Variants in SLC22A3 observed in about 807,000 individuals in gnomAD.
The protein encoded by SLC22A3 is EMT organic cation transporter 3.
SLC22A3 carries 51 observed loss-of-function variants against 59.1 expected under a neutral mutation model. That is an observed-to-expected ratio of 0.86 (90% CI 0.69 to 1.09). The LOEUF (loss-of-function observed/expected upper bound fraction) is 1.09, where lower values mean the gene tolerates loss of function less well. SLC22A3 is among the 50% of genes least tolerant of loss of function. SLC22A3 has a pLI of 0.00. For missense variants in SLC22A3, 711 were observed against 726.3 expected, an observed-to-expected ratio of 0.98 and a Z score of 0.24; for synonymous variants, 325 against 292.0, an observed-to-expected ratio of 1.11 and a Z score of -1.15.
intron 5 of SLC22A3, 52 bp from the exon 6 acceptor site, chr6:160,436,728 A>AG (rs1788345836): frequency 2.8e-6 from 3 of 1,069,786 alleles, no homozygotes; most frequent in African/African-American, 1.6e-5. Flanking sequence ...TATACTATGC[A>AG]GGTTTTTTTT....
intron 9 of SLC22A3, 38 bp from the exon 10 acceptor site, chr6:160,447,681 T>C: frequency 6.3e-7 from 1 of 1,575,274 alleles, no homozygotes; most frequent in Non-Finnish European, 8.7e-7. Flanking sequence ...CCCAGCTGTG[T>C]CTTCCTGGAG....
At chr6:160,379,833 T>C (rs1248652593) in intron 1 of SLC22A3, among the ~76,000 whole-genome samples, 1 of 152,242 alleles carries the variant, frequency 6.6e-6, no homozygotes, top group Non-Finnish European at 1.5e-5. Context: ...TCTCCCATCA[T>C]TGAATCTGGA....
At chr6:160,398,252 C>T (rs1786606500) in intron 2 of SLC22A3, among the ~76,000 whole-genome samples, 170 bp downstream of exon 2, 1 of 152,164 alleles carries the variant, frequency 6.6e-6, no homozygotes, top group Non-Finnish European at 1.5e-5. Context: ...TAATTCTTTT[C>T]TTTTCAAACT....
chr6:160,447,899 A>C lies in SLC22A3; in HGVS notation c.1610+81A>C. 7.5e-6 allele frequency: 8 copies of C among 1,063,462 alleles called. 1 individual carries two copies. The South Asian group carries it at 1.0e-4, about 14-fold the overall frequency. 65.9% of individuals were successfully genotyped at this position (1,063,462 alleles called of 1,614,324 possible). A position where few individuals can be genotyped will look rare whatever the true frequency, so the allele number is the denominator to read the frequency against. ...GAAAGAATGACATTGAGAAAATTGAATATCCACAGGGAAAAAAATAAGAAT... is the reference window on the plus strand; with the variant it reads ...GAAAGAATGACATTGAGAAAATTGACTATCCACAGGGAAAAAAATAAGAAT... On this transcript the variant is annotated intron_variant, in intron 10 of 10. Coordinates refer to ENST00000275300, the MANE Select transcript of SLC22A3 (RefSeq NM_021977.4).
At position 160,426,675 on chromosome 6, in the gene SLC22A3, G is replaced by A. The variant is rs773777278; in HGVS notation, c.976-10105G>A. ...TGTGAGTGCATTGCTTCCAACTGTCGTGTGATTTTCATTAGGCCATACCTG... is the reference window on the plus strand; with the variant it reads ...TGTGAGTGCATTGCTTCCAACTGTCATGTGATTTTCATTAGGCCATACCTG... On this transcript the variant is annotated intron_variant, in intron 5 of 10. Coordinates refer to ENST00000275300, the MANE Select transcript of SLC22A3 (RefSeq NM_021977.4). 3.9e-5 allele frequency among the ~76,000 whole-genome samples: 6 copies of A among 152,118 alleles called. No individual in the cohort carries two copies. The East Asian group carries it at 5.8e-4, about 15-fold the overall frequency.
rs1787431728 is a variant in SLC22A3 at position 160,415,213 on chromosome 6, C to G, written c.975+4367C>G. On this transcript the variant is annotated intron_variant, in intron 5 of 10. Coordinates refer to ENST00000275300, the MANE Select transcript of SLC22A3 (RefSeq NM_021977.4). The surrounding 1 kb of genome is among the most constrained non-coding windows in gnomAD (Gnocchi z 4.1). ...CCTTGCTAAAAGCGGAATTCAGCCA[C>G]ATTATGGGCCACGTCATAGTTTTCC... Among the ~76,000 whole-genome samples the G allele has an allele frequency of 6.6e-6, 1 of 152,210 alleles. No homozygotes were observed. The highest frequency in any genetic ancestry group is 2.4e-5 in the African/African-American group (1 of 41,454).
chr6:160,419,004 G>C (rs1043811731), intron 5 of SLC22A3, among the ~76,000 whole-genome samples: 4 of 152,122 alleles, frequency 2.6e-5, no homozygotes. Flanking sequence ...ACATGCTTGA[G>C]GCAGTTCCCA....
At chr6:160,375,775 G>A (rs1353327873) in intron 1 of SLC22A3, among the ~76,000 whole-genome samples, 1 of 152,006 alleles carries the variant, frequency 6.6e-6, no homozygotes, top group Admixed American at 6.5e-5. Context: ...CTTAAATCAA[G>A]AACGCATATT....
In SLC22A3 at chr6:160,352,969, C is replaced by T. The variant is rs150509931; in HGVS notation, c.429+4121C>T. Reference sequence around the variant, plus strand: ...CTGAGTAGCTGGGATTACAGGCACCCGCCACCGCGCCTGGCTAATTTTTGT... The same window carrying T: ...CTGAGTAGCTGGGATTACAGGCACCTGCCACCGCGCCTGGCTAATTTTTGT... On this transcript the variant is annotated intron_variant, in intron 1 of 10. Coordinates refer to ENST00000275300, the MANE Select transcript of SLC22A3 (RefSeq NM_021977.4). Among the ~76,000 whole-genome samples, 471 of 152,212 alleles carry T rather than the reference C, an allele frequency of 3.1e-3. 17 individuals carry two copies. In the East Asian group the frequency reaches 0.073, roughly 23 times the overall value.
intron 9 of SLC22A3, among the ~76,000 whole-genome samples, chr6:160,445,881 T>G (rs1039717724): frequency 6.6e-6 from 1 of 152,064 alleles, no homozygotes; most frequent in African/African-American, 2.4e-5. Context: ...CAAGTGGAAA[T>G]AGAAACCAGC....
intron 1 of SLC22A3, among the ~76,000 whole-genome samples, chr6:160,359,249 G>T (rs1442155283): frequency 6.6e-6 from 1 of 152,184 alleles, no homozygotes; most frequent in East Asian, 1.9e-4. Context: ...AGCAGTTGTG[G>T]TGGGGCACTA....
chr6:160,360,985 C>T (rs918654333), intron 1 of SLC22A3, among the ~76,000 whole-genome samples: 1 of 152,164 alleles, frequency 6.6e-6, no homozygotes, highest in Admixed American at 6.5e-5. Context: ...AGGAGGGCTT[C>T]CTCTACCAGA....
chr6:160,376,099 C>T (rs982482569), intron 1 of SLC22A3, among the ~76,000 whole-genome samples: 3 of 152,054 alleles, frequency 2.0e-5, no homozygotes, highest in Non-Finnish European at 4.4e-5. Flanking sequence ...ATGGAACCAA[C>T]CCAAATGCCC....
At chr6:160,431,314 G>T (rs1488035012) in intron 5 of SLC22A3, among the ~76,000 whole-genome samples, 1 of 152,170 alleles carries the variant, frequency 6.6e-6, no homozygotes, top group African/African-American at 2.4e-5. Context: ...GAGTTGCCAA[G>T]ATTTTCCTGG....
chr6:160,420,370 A>T (rs920917297), intron 5 of SLC22A3, among the ~76,000 whole-genome samples: 2 of 152,144 alleles, frequency 1.3e-5, no homozygotes, highest in African/African-American at 4.8e-5. Context: ...CATCTTCCAG[A>T]TTTCCTCTGG....
At chr6:160,433,696 G>A (rs900567711) in intron 5 of SLC22A3, among the ~76,000 whole-genome samples, 9 of 152,016 alleles carry the variant, frequency 5.9e-5, no homozygotes, top group Admixed American at 2.0e-4. Flanking sequence ...GACAGAGAGA[G>A]ACCCTATCTC....
rs191314812 is a variant in SLC22A3, at chr6:160,391,771, A to G, written c.430-6208A>G. ...CTGGAGAGAGAGGGGCTGACGTATC[A>G]TATGTATCTTGTACAACCTGAGGAT... On this transcript the variant is annotated intron_variant, in intron 1 of 10. Coordinates refer to ENST00000275300, the MANE Select transcript of SLC22A3 (RefSeq NM_021977.4). Among the ~76,000 whole-genome samples, 15 of 152,360 alleles carry G rather than the reference A, an allele frequency of 9.8e-5. No individual in the cohort carries two copies. The East Asian group carries it at 2.9e-3, about 29-fold the overall frequency.
At chr6:160,373,625 G>A (rs768302911) in intron 1 of SLC22A3, among the ~76,000 whole-genome samples, 1 of 152,178 alleles carries the variant, frequency 6.6e-6, no homozygotes, top group Non-Finnish European at 1.5e-5. Context: ...CTTCCTCCAG[G>A]TGCTCTGTCC....
chr6:160,418,666 G>A (rs1312576474), intron 5 of SLC22A3, among the ~76,000 whole-genome samples: 1 of 152,188 alleles, frequency 6.6e-6, no homozygotes, highest in East Asian at 1.9e-4. Context: ...CAGCAGTTTT[G>A]GTTTCCTTTT....
Sources: gnomAD v4.1 joint callset for allele counts (sites outside exome capture counted in the v4.1 genomes callset) on GRCh38, gnomAD v4.1.1 for gene constraint, Gnocchi (gnomAD v3.1) non-coding constraint, MANE v1.5 for transcripts, NCBI Gene and HGNC (gene_info 2026-07-23, HGNC 2026-07-21) for gene names.